The following NBEA variants were observed in gnomAD, a reference collection of about 807,000 sequenced individuals.
NBEA encodes the protein neurobeachin.
A neutral mutation model predicts 343.4 loss-of-function variants in NBEA; 44 were observed. The ratio of observed to expected loss-of-function variants is 0.13; its 90% CI spans 0.10 to 0.16. NBEA has a LOEUF of 0.16. Among genes scored for constraint, NBEA ranks in the 10% least tolerant of loss-of-function variants. The pLI, the probability that NBEA is intolerant of heterozygous loss-of-function variation, is 1.00. For missense variants in NBEA, 2,555 were observed against 3,631.3 expected, an observed-to-expected ratio of 0.70 and a Z score of 7.62; for synonymous variants, 1,175 against 1,238.7, an observed-to-expected ratio of 0.95 and a Z score of 1.08.
At chr13:35,108,605 T>C (rs2066034680) in intron 11 of NBEA, among the ~76,000 whole-genome samples, 1 of 152,132 alleles carries the variant, frequency 6.6e-6, no homozygotes, top group African/African-American at 2.4e-5. Context: ...TTCATACTTA[T>C]GACACATCTC....
chr13:35,145,203 T>A (rs1566359464), intron 18 of NBEA, among the ~76,000 whole-genome samples: 2 of 152,238 alleles, frequency 1.3e-5, no homozygotes, highest in Non-Finnish European at 2.9e-5. Context: ...TAGAGCTTCA[T>A]ACAGTAGCTT....
chr13:35,446,151 C>A (rs1407072887), intron 39 of NBEA, among the ~76,000 whole-genome samples: 1 of 151,866 alleles, frequency 6.6e-6, no homozygotes, highest in African/African-American at 2.4e-5. Flanking sequence ...TGAACTCATC[C>A]TTTTTTATGG....
At chr13:35,158,742 ATACT>A (rs2069358034) in intron 21 of NBEA, among the ~76,000 whole-genome samples, 3 of 152,134 alleles carry the variant, frequency 2.0e-5, no homozygotes, top group Non-Finnish European at 1.5e-5. Flanking sequence ...TAACATTGAA[ATACT>A]TAGCCTAAAA....
chr13:34,978,752 A>T (rs1327022222), intron 1 of NBEA, among the ~76,000 whole-genome samples: 1 of 152,156 alleles, frequency 6.6e-6, no homozygotes, highest in Non-Finnish European at 1.5e-5. Flanking sequence ...TCTTTTATTT[A>T]ACAGAATGCT....
chr13:35,352,115 G>T, intron 37 of NBEA, 42 bp from the exon 38 acceptor site: 1 of 1,269,354 alleles, frequency 7.9e-7, no homozygotes, highest in South Asian at 2.6e-5. Context: ...CTTATATGCA[G>T]TAAAAAGTTT....
chr13:34,956,519 A>T (rs1384514857), intron 1 of NBEA, among the ~76,000 whole-genome samples: 1 of 151,958 alleles, frequency 6.6e-6, no homozygotes, highest in Non-Finnish European at 1.5e-5. Flanking sequence ...CCTTTTTAAA[A>T]TTTTGTTTTC....
At chr13:35,395,009 G>T (rs2042676923) in intron 38 of NBEA, among the ~76,000 whole-genome samples, 1 of 152,040 alleles carries the variant, frequency 6.6e-6, no homozygotes, top group Non-Finnish European at 1.5e-5. Flanking sequence ...TGTAACCCAT[G>T]TATTATTTAG....
rs779021383 is a variant in NBEA, at chr13:35,070,705, G to T, written c.1438-14G>T. 2.1e-5 allele frequency: 33 copies of T among 1,563,292 alleles called. No individual in the cohort carries two copies. The highest frequency in any genetic ancestry group is 2.6e-5 in the Non-Finnish European group (30 of 1,146,142). Reference sequence around the variant, plus strand: ...CTATAGAAGTTTAATAAACATTTTTGTTTTTGGACATAGGATGTGAAAGCG... The same window carrying T: ...CTATAGAAGTTTAATAAACATTTTTTTTTTTGGACATAGGATGTGAAAGCG... On this transcript the variant is annotated splice_polypyrimidine_tract_variant and intron_variant, in intron 9 of 58. Transcript: ENST00000379939.
At position 35,487,530 on chromosome 13, in the gene NBEA, T is replaced by C. The variant is rs577530582; in HGVS notation, c.6585+14994T>C. ...TCTTCATAACTGTCTGAATCTTCTC[T>C]ACACCATTACCAGCCATGGTAACAA... On this transcript the variant is annotated intron_variant, in intron 41 of 58. Transcript: ENST00000379939. Among the ~76,000 whole-genome samples, 346 of 152,070 alleles carry C rather than the reference T, an allele frequency of 2.3e-3. 2 individuals carry two copies. The highest frequency in any genetic ancestry group is 5.2e-3 in the African/African-American group (214 of 41,534).
intron 36 of NBEA, among the ~76,000 whole-genome samples, chr13:35,324,926 A>G (rs1446757423): frequency 6.6e-6 from 1 of 152,146 alleles, no homozygotes; most frequent in African/African-American, 2.4e-5. Flanking sequence ...TAAAATTTAG[A>G]ACAACAGAAA....
chr13:35,145,330 C>A (rs997759535), intron 18 of NBEA, among the ~76,000 whole-genome samples: 2 of 152,084 alleles, frequency 1.3e-5, no homozygotes, highest in South Asian at 4.2e-4. Flanking sequence ...TCCTTTTGTT[C>A]GATGGACATG....
intron 10 of NBEA, among the ~76,000 whole-genome samples, chr13:35,071,709 G>A (rs978686519): frequency 3.3e-5 from 5 of 151,870 alleles, no homozygotes; most frequent in African/African-American, 9.7e-5. Flanking sequence ...AATTGATGGC[G>A]AATCTAGTGA....
intron 13 of NBEA, among the ~76,000 whole-genome samples, chr13:35,115,276 C>T (rs2066437966): frequency 6.6e-6 from 1 of 151,950 alleles, no homozygotes; most frequent in Non-Finnish European, 1.5e-5. Flanking sequence ...ATTTTGAATA[C>T]ATCATGAACA....
intron 48 of NBEA, among the ~76,000 whole-genome samples, chr13:35,615,705 TCA>T (rs2082711577): frequency 6.6e-6 from 1 of 152,078 alleles, no homozygotes; most frequent in Non-Finnish European, 1.5e-5. Flanking sequence ...GTGTTCTTAT[TCA>T]CAGTCTCCAG....
chr13:35,106,780 A>T (rs1015670947), intron 11 of NBEA, among the ~76,000 whole-genome samples: 1 of 151,452 alleles, frequency 6.6e-6, no homozygotes, highest in Admixed American at 6.6e-5. Context: ...TTTTTTTTTT[A>T]AAGTAATGTA....
chr13:35,302,149 T>G (rs569512670), intron 35 of NBEA, among the ~76,000 whole-genome samples: 1 of 152,294 alleles, frequency 6.6e-6, no homozygotes, highest in Non-Finnish European at 1.5e-5. Flanking sequence ...TCATTTTACT[T>G]TATTGTTCTT....
rs1383627114 is a variant in NBEA, at chr13:35,182,365, T to C, written c.4668T>C (p.Asp1556=). 5.6e-6 allele frequency: 9 copies of C among 1,600,302 alleles called. No individual in the cohort carries two copies. Among genetic ancestry groups the C allele is most frequent in the East Asian group, 2.3e-5 (1 of 44,222 alleles). ...TGTCTTTTCATTTTTCATAGGATGA[T>C]AGCAAACAAGCACAGTTCTTAGCTC... ...LRAVVFRDVD[D]SKQAQFLALA... is the part of the protein sequence containing the mutation. Residue 1556 remains aspartate (D), a synonymous_variant, in exon 29 of 59, where the codon GAT becomes GAC. Coordinates refer to ENST00000379939, the MANE Select transcript of NBEA (RefSeq NM_001385012.1).
intron 41 of NBEA, among the ~76,000 whole-genome samples, chr13:35,529,260 C>A (rs1481931835): frequency 6.6e-6 from 1 of 152,118 alleles, no homozygotes; most frequent in African/African-American, 2.4e-5. Context: ...GTGACATTTT[C>A]AGGAATGTAT....
intron 40 of NBEA, among the ~76,000 whole-genome samples, chr13:35,452,778 G>A (rs993221009): frequency 2.6e-5 from 4 of 152,176 alleles, no homozygotes; most frequent in African/African-American, 4.8e-5. Flanking sequence ...AATTCTGGAT[G>A]TGATTCTACA....
Sources: allele counts gnomAD v4.1 joint callset (sites outside exome capture counted in the v4.1 genomes callset), GRCh38; gene constraint gnomAD v4.1.1; transcripts MANE v1.5; gene names NCBI Gene and HGNC (gene_info 2026-07-23, HGNC 2026-07-21).